NCKAP5: variants seen among roughly 807,000 people sequenced by gnomAD.
NCKAP5 encodes the protein nck-associated protein 5.
A neutral mutation model predicts 167.0 loss-of-function variants in NCKAP5; 92 were observed. The observed-to-expected ratio is 0.55, with a 90% CI of 0.47 to 0.66. The LOEUF (loss-of-function observed/expected upper bound fraction) is 0.66, where lower values mean the gene tolerates loss of function less well. Ranked by LOEUF, NCKAP5 falls within the 30% of genes least tolerant of loss-of-function variation. The probability of loss-of-function intolerance (pLI) is 0.00; values close to 1 mark genes in which losing one functional copy is unlikely to be tolerated. For synonymous variants in NCKAP5, 891 were observed against 877.4 expected (o/e 1.02, Z -0.27); for missense variants, 2,378 against 2,315.0 (o/e 1.03, Z -0.56).
chr2:133,349,441 G>T (rs115413075), intron 3 of NCKAP5, among the ~76,000 whole-genome samples: 2 of 152,282 alleles, frequency 1.3e-5, no homozygotes, highest in African/African-American at 4.8e-5. Flanking sequence ...GGATCAAGTG[G>T]CAAGTTTGCA....
At chr2:133,655,231 C>T in the NCKAP5 span, among the ~76,000 whole-genome samples, 2 of 152,192 alleles carry the variant, frequency 1.3e-5, no homozygotes, top group African/African-American at 2.4e-5. Context: ...AAACACTACA[C>T]ACATGCTGAT....
At chr2:133,610,454 C>T in the NCKAP5 span, among the ~76,000 whole-genome samples, 2 of 152,070 alleles carry the variant, frequency 1.3e-5, no homozygotes, top group East Asian at 3.9e-4. Context: ...TTCTGAGTTC[C>T]CACAATCATT....
intron 11 of NCKAP5, among the ~76,000 whole-genome samples, chr2:132,848,198 C>A (rs1688810669): frequency 6.6e-6 from 1 of 152,104 alleles, no homozygotes; most frequent in South Asian, 2.1e-4. Flanking sequence ...AAAAGGGTAC[C>A]CAAGAACATC....
intron 5 of NCKAP5, among the ~76,000 whole-genome samples, chr2:133,159,486 T>C (rs961644365): frequency 1.3e-5 from 2 of 152,190 alleles, no homozygotes; most frequent in African/African-American, 2.4e-5. Context: ...CTGCTAAATG[T>C]AGACTGTTTG....
chr2:132,756,652 A>G (rs757020774), intron 16 of NCKAP5, among the ~76,000 whole-genome samples: 33 of 149,022 alleles, frequency 2.2e-4, no homozygotes, highest in Non-Finnish European at 3.7e-4. Context: ...TTATTTAAAC[A>G]TGTTTTGAAG....
chr2:133,256,056 C>A (rs1199852577), intron 4 of NCKAP5, among the ~76,000 whole-genome samples: 2 of 151,616 alleles, frequency 1.3e-5, no homozygotes, highest in African/African-American at 4.8e-5. Context: ...TAATTAAACC[C>A]GAAAAAAGCA....
chr2:133,133,222 A>G (rs1236986418), intron 5 of NCKAP5, among the ~76,000 whole-genome samples: 1 of 152,184 alleles, frequency 6.6e-6, no homozygotes, highest in East Asian at 1.9e-4. Flanking sequence ...AGTAGAGGAC[A>G]ATATCCTGGG....
chr2:132,785,294 C>A lies in NCKAP5; in HGVS notation c.1517G>T (p.Ser506Ile). ...CRPHGSKLTH[S>I]VSDSLFGWET... ...CCAGCCAAACAGACTGTCGGAAACA[C>A]TGTGGGTTAATTTACTGCCATGTGG... The change falls in exon 14 of 20, where the codon AGT becomes ATT. Residue 506 changes from serine to isoleucine, a missense_variant. By Grantham distance (142) the Ser-to-Ile change is moderately radical (BLOSUM62 -2). Coordinates refer to ENST00000409261, the MANE Select transcript of NCKAP5 (RefSeq NM_207363.3). 6.2e-7 allele frequency: 1 copy of A among 1,604,730 alleles called. No individual in the cohort carries two copies. Among genetic ancestry groups the A allele is most frequent in the Non-Finnish European group, 8.5e-7 (1 of 1,174,414 alleles).
intron 3 of NCKAP5, among the ~76,000 whole-genome samples, chr2:133,318,841 AC>A (rs1289989547): frequency 6.6e-6 from 1 of 152,036 alleles, no homozygotes; most frequent in East Asian, 1.9e-4. Flanking sequence ...ACCAAATGGT[AC>A]CCTTAGCCTC....
intron 16 of NCKAP5, among the ~76,000 whole-genome samples, chr2:132,760,656 GGAACTTCA>G (rs1680925557): frequency 6.6e-6 from 1 of 152,000 alleles, no homozygotes; most frequent in Non-Finnish European, 1.5e-5. Flanking sequence ...AATTTTACCT[GGAACTTCA>G]TTTGTAAGTA....
At chr2:133,077,634 C>T (rs1316502482) in intron 6 of NCKAP5, among the ~76,000 whole-genome samples, 1 of 152,084 alleles carries the variant, frequency 6.6e-6, no homozygotes, top group African/African-American at 2.4e-5. Flanking sequence ...TTGTATCCTT[C>T]GAAACACAGT....
At chr2:133,326,075 A>G (rs774737642) in intron 3 of NCKAP5, among the ~76,000 whole-genome samples, 1 of 152,140 alleles carries the variant, frequency 6.6e-6, no homozygotes, top group Non-Finnish European at 1.5e-5. Context: ...CTCTTCTTTA[A>G]TTTGTTCTGG....
At chr2:133,180,211 C>A (rs555520657) in intron 5 of NCKAP5, among the ~76,000 whole-genome samples, 1 of 152,218 alleles carries the variant, frequency 6.6e-6, no homozygotes, top group South Asian at 2.1e-4. Flanking sequence ...ATCCTATACC[C>A]AGTCAAAGTA....
At chr2:133,436,142 A>T (rs1035802290) in intron 3 of NCKAP5, among the ~76,000 whole-genome samples, 1 of 152,178 alleles carries the variant, frequency 6.6e-6, no homozygotes, top group Non-Finnish European at 1.5e-5. Context: ...CCCAACTACA[A>T]GTATCTTCTC....
intron 4 of NCKAP5, among the ~76,000 whole-genome samples, chr2:133,260,670 G>A (rs1199271635): frequency 6.6e-6 from 1 of 152,196 alleles, no homozygotes; most frequent in Non-Finnish European, 1.5e-5. Flanking sequence ...TTGGACGCCT[G>A]TCCCTCGGAC....
At chr2:133,047,519 A>C (rs2079443657) in intron 6 of NCKAP5, among the ~76,000 whole-genome samples, 1 of 152,212 alleles carries the variant, frequency 6.6e-6, no homozygotes, top group African/African-American at 2.4e-5. Flanking sequence ...GAAATGAGAA[A>C]CTTTTGAAAA....
chr2:132,829,016 G>A (rs1234499206), intron 11 of NCKAP5, among the ~76,000 whole-genome samples: 2 of 152,150 alleles, frequency 1.3e-5, no homozygotes, highest in East Asian at 3.9e-4. Flanking sequence ...AAAGAAAATG[G>A]GGATGGGAGA....
intron 6 of NCKAP5, among the ~76,000 whole-genome samples, chr2:133,023,950 T>C (rs1430897775): frequency 6.6e-6 from 1 of 152,190 alleles, no homozygotes; most frequent in Non-Finnish European, 1.5e-5. Flanking sequence ...CTATCAGTCC[T>C]TACACCCAGG....
At chr2:132,788,902 G>T (rs974178332) in intron 13 of NCKAP5, among the ~76,000 whole-genome samples, 1 of 152,148 alleles carries the variant, frequency 6.6e-6, no homozygotes, top group African/African-American at 2.4e-5. Context: ...CATTTCAAAT[G>T]TCTTCATGAA....
Sources: allele counts gnomAD v4.1 joint callset (sites outside exome capture counted in the v4.1 genomes callset), GRCh38; gene constraint gnomAD v4.1.1; transcripts MANE v1.5; gene names NCBI Gene and HGNC (gene_info 2026-07-23, HGNC 2026-07-21).